Variants in PCDHA10 observed in about 807,000 individuals in gnomAD.
PCDHA10 encodes protocadherin alpha-10.
Under a neutral mutation model 61.2 loss-of-function variants are expected in PCDHA10, and 45 were observed. The ratio of observed to expected loss-of-function variants is 0.74; its 90% CI spans 0.58 to 0.94. The LOEUF (loss-of-function observed/expected upper bound fraction) is 0.94, where lower values mean the gene tolerates loss of function less well. Among genes scored for constraint, PCDHA10 ranks in the 40% least tolerant of loss-of-function variants. PCDHA10 has a pLI of 0.00. For synonymous variants in PCDHA10, 602 were observed against 548.8 expected, an observed-to-expected ratio of 1.10 and a Z score of -1.35; for missense variants, 1,278 against 1,236.2, an observed-to-expected ratio of 1.03 and a Z score of -0.51.
rs2098416660 is a variant in PCDHA10, at chr5:141,010,249, T to C, written c.*312T>C. ...GCCCCGCCAGTGAGAGGTTGGACTC[T>C]CTGCCCTGTGCTCCGGGGATCCTGT... On this transcript the variant is annotated 3_prime_UTR_variant, in exon 4 of 4. Coordinates refer to ENST00000307360, the MANE Select transcript of PCDHA10 (RefSeq NM_018901.4). 2 of 1,551,772 alleles carry C rather than the reference T, an allele frequency of 1.3e-6. No homozygotes were observed. Among genetic ancestry groups the C allele is most frequent in the Non-Finnish European group, 1.7e-6 (2 of 1,147,036 alleles).
intron 1 of PCDHA10, chr5:140,875,266 A>G (rs1262893019): frequency 8.3e-7 from 1 of 1,202,212 alleles, no homozygotes. Flanking sequence ...ATGTCGCTCT[A>G]CACTCAGAAG....
intron 1 of PCDHA10, among the ~76,000 whole-genome samples, chr5:140,972,578 C>A (rs1554234223): frequency 6.6e-6 from 1 of 151,798 alleles, no homozygotes; most frequent in Non-Finnish European, 1.5e-5. Flanking sequence ...GGCAATAGGG[C>A]AGAATTTCTC....
intron 1 of PCDHA10, chr5:140,866,744 A>G (rs980107592): frequency 1.3e-5 from 2 of 152,180 alleles, no homozygotes; most frequent in African/African-American, 2.4e-5. Flanking sequence ...TAATACTTAT[A>G]TGACTAACAG....
At chr5:140,884,469 C>T (rs371718634) in intron 1 of PCDHA10, 1 of 1,613,766 alleles carries the variant, frequency 6.2e-7, no homozygotes, top group Admixed American at 1.7e-5. Flanking sequence ...GCGTGCGCGC[C>T]GGGCAAGCCC....
In PCDHA10 at chr5:140,858,403, A is replaced by T. The variant is rs1554151554; in HGVS notation, c.2355A>T (p.Glu785Asp). Residue 785 changes from glutamate to aspartate, a missense_variant, in exon 1 of 4, where the codon GAA becomes GAT. Coordinates refer to ENST00000307360, the MANE Select transcript of PCDHA10 (RefSeq NM_018901.4). ...GCCCAATGGTAGATGTGGACGGGGA[A>T]GATCAGTCTATTGGAGGGGACCACT... is the stretch of plus-strand genomic sequence containing the variant. The part of the protein sequence containing the change: ...PPCPMVDVDG[E>D]DQSIGGDHSR... 6.4e-7 allele frequency: 1 copy of T among 1,569,204 alleles called. No individual in the cohort carries two copies.
chr5:140,977,872 T>A (rs1554238851), intron 1 of PCDHA10, among the ~76,000 whole-genome samples: 1 of 152,258 alleles, frequency 6.6e-6, no homozygotes, highest in African/African-American at 2.4e-5. Flanking sequence ...ATGGTAAGTA[T>A]AATGTAGAGG....
chr5:140,927,256 C>T, intron 1 of PCDHA10: 1 of 1,614,144 alleles, frequency 6.2e-7, no homozygotes, highest in Non-Finnish European at 8.5e-7. Context: ...TGACAACTCA[C>T]CTCTCTTTCC....
chr5:140,870,314 A>C (rs1253656655), intron 1 of PCDHA10: 6 of 1,613,546 alleles, frequency 3.7e-6, no homozygotes, highest in Non-Finnish European at 5.1e-6. Context: ...AAGAATTACT[A>C]CTCGTTGGTG....
intron 1 of PCDHA10, among the ~76,000 whole-genome samples, chr5:140,936,899 A>G (rs2091202352): frequency 6.6e-6 from 1 of 152,188 alleles, no homozygotes; most frequent in South Asian, 2.1e-4. Context: ...AATTGGCACT[A>G]TATTGAATCT....
At chr5:140,927,105 C>T in intron 1 of PCDHA10, 1 of 1,613,778 alleles carries the variant, frequency 6.2e-7, no homozygotes, top group Non-Finnish European at 8.5e-7. Flanking sequence ...TGGATCTACC[C>T]AGCGGCAATT....
At chr5:141,005,826 A>T (rs1283643370) in intron 3 of PCDHA10, among the ~76,000 whole-genome samples, 4 of 151,340 alleles carry the variant, frequency 2.6e-5, no homozygotes, top group Admixed American at 6.6e-5. Flanking sequence ...GGTGGCCTGT[A>T]GTCCCAGCCA....
At chr5:140,880,123 C>T (rs1315267493) in intron 1 of PCDHA10, among the ~76,000 whole-genome samples, 3 of 152,118 alleles carry the variant, frequency 2.0e-5, no homozygotes, top group African/African-American at 7.2e-5. Flanking sequence ...CAACAGGAAG[C>T]TGAAATAAAG....
rs781920660 is a variant in PCDHA10 at position 140,857,284 on chromosome 5, G to A, written c.1236G>A (p.Leu412=). Residue 412 remains leucine (L), a synonymous_variant, in exon 1 of 4, where the codon CTG becomes CTA. Transcript: ENST00000307360. Reference sequence around the variant, plus strand: ...ACTCATTGGTGCTGGACAGCGCTCTGGACCGCGAGAGGGTGTCGGCCTATG... The same window carrying A: ...ACTCATTGGTGCTGGACAGCGCTCTAGACCGCGAGAGGGTGTCGGCCTATG... ...NYYSLVLDSA[L]DRERVSAYEL... 4 of 1,598,734 alleles carry A rather than the reference G, an allele frequency of 2.5e-6. 1 individual carries two copies. Among genetic ancestry groups the A allele is most frequent in the Non-Finnish European group, 2.6e-6 (3 of 1,168,028 alleles).
chr5:140,866,677 G>A (rs782218499), intron 1 of PCDHA10: 2 of 152,084 alleles, frequency 1.3e-5, no homozygotes, highest in African/African-American at 2.4e-5. Context: ...AATAGCACTA[G>A]GTCTGTTAGA....
intron 1 of PCDHA10, among the ~76,000 whole-genome samples, chr5:140,975,996 C>G (rs923472287): frequency 4.6e-5 from 7 of 152,064 alleles, no homozygotes; most frequent in African/African-American, 1.7e-4. Flanking sequence ...GAGGTACCAT[C>G]TAAGTATTAA....
chr5:140,882,057 A>C, intron 1 of PCDHA10: 1 of 790,730 alleles, frequency 1.3e-6, no homozygotes, highest in Non-Finnish European at 1.9e-6. Context: ...ACTTACACTT[A>C]CACGTTCATG....
intron 1 of PCDHA10, among the ~76,000 whole-genome samples, chr5:140,925,028 T>C (rs2082253756): frequency 6.6e-6 from 1 of 151,580 alleles, no homozygotes; most frequent in Admixed American, 6.6e-5. Context: ...GGAGGATCGC[T>C]TGAGCCCAGA....
rs1387090858 is a variant in PCDHA10, at chr5:140,923,184, T to C, written c.2389-55765T>C. Reference sequence around the variant, plus strand: ...AGATAAATTTTTGTTCAGATGCATCTACTGCAGCAATTTGGGAGGCTAAGG... The same window carrying C: ...AGATAAATTTTTGTTCAGATGCATCCACTGCAGCAATTTGGGAGGCTAAGG... On this transcript the variant is annotated intron_variant, in intron 1 of 3. Transcript: ENST00000307360. Among the ~76,000 whole-genome samples the C allele has an allele frequency of 3.9e-5, 6 of 152,146 alleles. No homozygotes were observed. In the East Asian group the frequency reaches 1.2e-3, roughly 29 times the overall value.
At chr5:140,858,750 C>T (rs1397058081) in intron 1 of PCDHA10, 3 of 453,980 alleles carry the variant, frequency 6.6e-6, no homozygotes, top group South Asian at 3.1e-5. Flanking sequence ...AATCACTTTT[C>T]GTTACAAATA....
Sources: gnomAD v4.1 joint callset for allele counts (sites outside exome capture counted in the v4.1 genomes callset) on GRCh38, gnomAD v4.1.1 for gene constraint, MANE v1.5 for transcripts, NCBI Gene and HGNC (gene_info 2026-07-23, HGNC 2026-07-21) for gene names.